The following CACNA1F variants were observed in gnomAD, a reference collection of about 807,000 sequenced individuals.
CACNA1F encodes calcium voltage-gated channel subunit alpha1 F, also known as voltage-dependent L-type calcium channel subunit alpha-1F.
In CACNA1F, 59 loss-of-function variants were observed where a neutral mutation model predicts 143.8. That is an observed-to-expected ratio of 0.41 (90% CI 0.33 to 0.51). The LOEUF (loss-of-function observed/expected upper bound fraction) is 0.51, where lower values mean the gene tolerates loss of function less well. Among genes scored for constraint, CACNA1F ranks in the 20% least tolerant of loss-of-function variants. CACNA1F has a pLI of 0.22. For synonymous variants in CACNA1F, 643 were observed against 649.1 expected (o/e 0.99, Z 0.14); for missense variants, 1,411 against 1,647.5 (o/e 0.86, Z 2.48).
At chrX:49,221,865 C>A (rs1489252297) in intron 17 of CACNA1F, among the ~76,000 whole-genome samples, 2 of 109,119 alleles carry the variant, frequency 1.8e-5, no homozygotes. Context: ...CGTCTGTAAT[C>A]CCAGCTACTC....
At chrX:49,221,001 G>A (rs1408062380) in intron 18 of CACNA1F, 34 bp downstream of exon 18, 1 of 1,123,033 alleles carries the variant, frequency 8.9e-7, no homozygotes, top group African/African-American at 1.8e-5. Context: ...GGTGGGAGTG[G>A]GAGGTGTAGA....
Position 49,226,645 on chromosome X carries a change from T to C in CACNA1F, c.1334A>G (p.His445Arg). 1 of 1,184,181 alleles carries C rather than the reference T, an allele frequency of 8.4e-7. No homozygotes were observed. The highest frequency in any genetic ancestry group is 1.1e-6 in the Non-Finnish European group (1 of 881,708). The change falls in exon 10 of 48, where the codon CAT becomes CGT. Residue 445 changes from histidine to arginine, a missense_variant. His to Arg is a conservative substitution (Grantham distance 29). Transcript: ENST00000323022. The stretch of plus-strand genomic sequence containing the variant: ...GGTGGAGTGTGTGGAGCGAGTAGAA[T>C]GACTGAACCAGCGCAGACGTCCACG... Reference protein sequence around the residue: ...RRRGRLRWFSHSTRSTHSTSS... With the variant: ...RRRGRLRWFSRSTRSTHSTSS...
chrX:49,205,531 C>T (rs2065585098), intron 47 of CACNA1F, 85 bp downstream of exon 47: 3 of 974,536 alleles, frequency 3.1e-6, no homozygotes, highest in Non-Finnish European at 4.3e-6. Flanking sequence ...AACACAGGAC[C>T]TGGGGACTCC....
chrX:49,231,791 G>C lies in CACNA1F; in HGVS notation c.162C>G (p.His54Gln), dbSNP rs1557111429. The change falls in exon 2 of 48, where the codon CAC becomes CAG. Residue 54 changes from histidine (H) to glutamine (Q), a missense_variant. Physicochemically the swap from His to Gln is conservative, Grantham distance 24. Coordinates refer to ENST00000323022, the MANE Select transcript of CACNA1F (RefSeq NM_001256789.3). ...CCACTGCCACTGTCTTGTGCTTGCT[G>C]TGCTGGTTTCTTCGCTTAGGGGTCC... ...GLGTPKRRNQHSKHKTVAVAS... is the reference protein window; with the variant it reads ...GLGTPKRRNQQSKHKTVAVAS... The C allele has an allele frequency of 8.3e-7, 1 of 1,211,509 alleles. No individual in the cohort carries two copies. The highest frequency in any genetic ancestry group is 1.8e-5 in the South Asian group (1 of 56,953).
rs2065600674 is a variant in CACNA1F, at chrX:49,206,747, C to G, written c.5340G>C (p.Leu1780=). 1.7e-6 allele frequency: 2 copies of G among 1,204,765 alleles called. No individual in the cohort carries two copies. The highest frequency in any genetic ancestry group is 2.2e-6 in the Non-Finnish European group (2 of 891,985). Residue 1780 remains leucine (L), a synonymous_variant, in exon 45 of 48, where the codon CTG becomes CTC. Coordinates refer to ENST00000323022, the MANE Select transcript of CACNA1F (RefSeq NM_001256789.3). ...TCTCACCTGCAGGTGTGGGGGGCAG[C>G]AGACGGCGGCGTGGTACCAGGTGCC... ...MDGHLVPRRR[L]LPPTPAGRKP... is the part of the protein sequence containing the mutation.
chrX:49,206,694 C>T (rs781995829), intron 45 of CACNA1F, 34 bp downstream of exon 45: 3 of 1,204,801 alleles, frequency 2.5e-6, no homozygotes, highest in African/African-American at 1.7e-5. Context: ...CCTGCAGGCC[C>T]GTGGGGGCCC....
At position 49,205,740 on chromosome X, in the gene CACNA1F, G is replaced by T; in HGVS notation, c.5546C>A (p.Ala1849Glu). The T allele has an allele frequency of 8.3e-7, 1 of 1,203,724 alleles. No individual in the cohort carries two copies. Among genetic ancestry groups the T allele is most frequent in the South Asian group, 1.8e-5 (1 of 55,642 alleles). Residue 1849 changes from alanine (A) to glutamate (E), a missense_variant, in exon 47 of 48, where the codon GCG becomes GAG. Physicochemically the swap from Ala to Glu is moderately radical, Grantham distance 107. Transcript: ENST00000323022. ...APLLLVEEGA[A>E]GEGYLGRSSG... is the part of the protein sequence containing the mutation. The stretch of plus-strand genomic sequence containing the variant: ...GGATCTGCCGAGGTACCCCTCCCCC[G>T]CTGCGCCCTCTTCCACCAACAACAG...
chrX:49,226,932 C>G, intron 9 of CACNA1F, 38 bp downstream of exon 9: 1 of 1,210,192 alleles, frequency 8.3e-7, no homozygotes. Context: ...ATTGGAGTTG[C>G]CTACGATGGC....
intron 36 of CACNA1F, 103 bp downstream of exon 36, chrX:49,211,219 C>A: frequency 9.0e-7 from 1 of 1,108,175 alleles, no homozygotes; most frequent in Non-Finnish European, 1.2e-6. Context: ...CAGACCAGCC[C>A]TCTCACCCAC....
rs782742017 is a variant in CACNA1F at position 49,229,757 on chromosome X, T to C, written c.817+463A>G. Among the ~76,000 whole-genome samples the C allele has an allele frequency of 1.8e-3, 196 of 109,560 alleles. 2 individuals are homozygous for C. Among genetic ancestry groups the C allele is most frequent in the Middle Eastern group, 4.7e-3 (1 of 211 alleles). On this transcript the variant is annotated intron_variant, in intron 6 of 47. Coordinates refer to ENST00000323022, the MANE Select transcript of CACNA1F (RefSeq NM_001256789.3). ...CCTCAGCCTCAGGTTCACGCCATTCTCCTGCCTCAGCCTCCCGAGTAGCTG... is the reference window on the plus strand; with the variant it reads ...CCTCAGCCTCAGGTTCACGCCATTCCCCTGCCTCAGCCTCCCGAGTAGCTG...
At chrX:49,233,111 C>T (rs1401603001) in intron 1 of CACNA1F, 174 bp downstream of exon 1, 7 of 483,869 alleles carry the variant, frequency 1.4e-5, no homozygotes, top group African/African-American at 1.2e-4. Context: ...TCAGGCTGAG[C>T]GTTAGGGCTC....
At chrX:49,229,085 G>C (rs997162686) in intron 6 of CACNA1F, among the ~76,000 whole-genome samples, 5 of 112,542 alleles carry the variant, frequency 4.4e-5, no homozygotes, top group Non-Finnish European at 9.4e-5. Flanking sequence ...GCATGGGCGG[G>C]AGTCTGGGTA....
chrX:49,209,591 CA>C (rs1557105718), intron 41 of CACNA1F, 37 bp downstream of exon 41: 1 of 1,208,164 alleles, frequency 8.3e-7, no homozygotes, highest in Admixed American at 2.2e-5. Context: ...ACAGCACTGC[CA>C]CACGTGCCCA....
Position 49,222,776 on chromosome X carries a change from G to A in CACNA1F, c.2148C>T (p.Pro716=), listed in dbSNP as rs1557108990. The change falls in exon 16 of 48, where the codon CCC becomes CCT. Residue 716 remains proline, a synonymous_variant. Transcript: ENST00000323022. The part of the protein sequence containing the change: ...MYDGIMAYGG[P]FFPGMLVCIY... Reference sequence around the variant, plus strand: ...TGCACACCAACATTCCTGGGAAGAAGGGGCCACCATATGCCATGATACCAT... The same window carrying A: ...TGCACACCAACATTCCTGGGAAGAAAGGGCCACCATATGCCATGATACCAT... 1 of 1,208,064 alleles carries A rather than the reference G, an allele frequency of 8.3e-7. No homozygotes were observed. Among genetic ancestry groups the A allele is most frequent in the African/African-American group, 1.8e-5 (1 of 56,931 alleles).
chrX:49,209,463 C>T, intron 41 of CACNA1F, 70 bp from the exon 42 acceptor site: 1 of 1,155,126 alleles, frequency 8.7e-7, no homozygotes, highest in Non-Finnish European at 1.2e-6. Context: ...CCCCTGCAGG[C>T]GGGTAGGGTG....
Position 49,213,823 on chromosome X carries a change from A to C in CACNA1F, c.3788T>G (p.Val1263Gly). The change falls in exon 31 of 48, where the codon GTC (valine) becomes GGC (glycine). Residue 1263 changes from valine (V) to glycine (G), a missense_variant. This residue lies in a region of CACNA1F where 950 missense variants were observed against 1,128.1 expected (regional missense o/e 0.84). Coordinates refer to ENST00000323022, the MANE Select transcript of CACNA1F (RefSeq NM_001256789.3). ...GSIVDIAVTE[V>G]NNGGHLGESS... ...AGTGGAAAGGCCAGTTCTCACATTGACTTCAGTGACGGCAATATCCACTAT... is the reference window on the plus strand; with the variant it reads ...AGTGGAAAGGCCAGTTCTCACATTGCCTTCAGTGACGGCAATATCCACTAT... The C allele has an allele frequency of 8.5e-7, 1 of 1,182,224 alleles. No homozygotes were observed. The highest frequency in any genetic ancestry group is 2.3e-4 in the Middle Eastern group (1 of 4,285).
At chrX:49,211,628 C>T (rs1299192272) in intron 35 of CACNA1F, 147 bp from the exon 36 acceptor site, 2 of 551,919 alleles carry the variant, frequency 3.6e-6, no homozygotes, top group East Asian at 3.6e-5. Context: ...AATATTTTAA[C>T]AGCCAGTGTG....
At chrX:49,228,591 G>T in intron 6 of CACNA1F, 144 bp from the exon 7 acceptor site, 1 of 502,184 alleles carries the variant, frequency 2.0e-6, no homozygotes. Context: ...TTGAGACGGG[G>T]TCTCCCTCTG....
At chrX:49,215,320 G>A in intron 28 of CACNA1F, 22 bp downstream of exon 28, 1 of 1,202,088 alleles carries the variant, frequency 8.3e-7, no homozygotes, top group Non-Finnish European at 1.1e-6. Context: ...CCATCCATAG[G>A]GGGTCAGGGG....
Sources: gnomAD v4.1 joint callset for allele counts (sites outside exome capture counted in the v4.1 genomes callset) on GRCh38, gnomAD v4.1.1 for gene constraint, gnomAD v4.1.1 regional missense constraint, MANE v1.5 for transcripts, NCBI Gene and HGNC (gene_info 2026-07-23, HGNC 2026-07-21) for gene names.